The following MRE11 variants were observed in gnomAD, a reference collection of about 807,000 sequenced individuals.
MRE11 encodes double-strand break repair protein MRE11.
MRE11 carries 62 observed loss-of-function variants against 91.7 expected under a neutral mutation model. The observed-to-expected ratio is 0.68, with a 90% CI of 0.55 to 0.84. The LOEUF is 0.84. Among genes scored for constraint, MRE11 ranks in the 40% least tolerant of loss-of-function variants. The pLI is 0.00. For synonymous variants in MRE11, 273 were observed against 271.4 expected (o/e 1.01, Z -0.06); for missense variants, 796 against 852.9 (o/e 0.93, Z 0.83).
intron 4 of MRE11, among the ~76,000 whole-genome samples, chr11:94,481,376 T>C (rs1212193789): frequency 3.3e-5 from 5 of 152,214 alleles, no homozygotes; most frequent in Non-Finnish European, 1.5e-5. Context: ...ATATTCTTTA[T>C]TTATTACTAA....
the MRE11 span, chr11:94,512,381 C>T: frequency 6.8e-6 from 5 of 737,286 alleles, no homozygotes; most frequent in East Asian, 3.4e-5. Flanking sequence ...TTCTTTGGTG[C>T]GCGGAATACC....
rs1455212080 is a variant in MRE11 at position 94,490,724 on chromosome 11, G to A, written c.153+109C>T. The A allele has an allele frequency of 6.3e-6, 8 of 1,266,236 alleles. No homozygotes were observed. In the East Asian group the frequency reaches 7.0e-5, roughly 11 times the overall value. The allele number at this position is 1,266,236 out of a possible 1,614,324, so 78.4% of individuals were successfully genotyped here. A position where few individuals can be genotyped will look rare whatever the true frequency, so the allele number is the denominator to read the frequency against. ...TTTCAGTATATTGATATTCAAGCAG[G>A]CAAGGTAAGCACCTGAGCTTATAAA... On this transcript the variant is annotated intron_variant, in intron 3 of 19. Coordinates refer to ENST00000323929, the MANE Select transcript of MRE11 (RefSeq NM_005591.4).
chr11:94,503,378 A>T, the MRE11 span, among the ~76,000 whole-genome samples: 1 of 152,162 alleles, frequency 6.6e-6, no homozygotes, highest in Non-Finnish European at 1.5e-5. Flanking sequence ...AAATCCTAGT[A>T]GTTGAAAATC....
chr11:94,453,529 T>C (rs1404415490), intron 14 of MRE11, among the ~76,000 whole-genome samples: 2 of 152,214 alleles, frequency 1.3e-5, no homozygotes, highest in Non-Finnish European at 2.9e-5. Context: ...TGTGAAGTGG[T>C]ATCTCACTGT....
chr11:94,435,304 A>G (rs1945572945), intron 18 of MRE11, among the ~76,000 whole-genome samples: 1 of 152,162 alleles, frequency 6.6e-6, no homozygotes, highest in Admixed American at 6.5e-5. Flanking sequence ...TCTGTAATCC[A>G]GGCACTTTGG....
chr11:94,480,940 C>A (rs1006155958), intron 4 of MRE11, among the ~76,000 whole-genome samples: 5 of 152,172 alleles, frequency 3.3e-5, no homozygotes, highest in Non-Finnish European at 7.3e-5. Flanking sequence ...GAGTCACAGA[C>A]CTATGCCAAC....
chr11:94,477,729 T>C (rs1030104947), intron 6 of MRE11, among the ~76,000 whole-genome samples: 2 of 151,964 alleles, frequency 1.3e-5, no homozygotes, highest in African/African-American at 4.8e-5. Flanking sequence ...ACTGGCAAAA[T>C]TGAAGGTAGG....
rs1329240039 is a variant in MRE11 at position 94,456,289 on chromosome 11, T to A, written c.1550A>T (p.Asp517Val). ...CAGAATAATTACCTCACGGACTTCA[T>A]CATCTTCTTCATTAGTATTTTTTTG... ...TRQKNTNEEDDEVREAMTRAR... is the reference protein window; with the variant it reads ...TRQKNTNEEDVEVREAMTRAR... Residue 517 changes from aspartate to valine, a missense_variant, in exon 14 of 20, where the codon GAT becomes GTT. Coordinates refer to ENST00000323929, the MANE Select transcript of MRE11 (RefSeq NM_005591.4). 6.2e-7 allele frequency: 1 copy of A among 1,613,522 alleles called. No individual in the cohort carries two copies. The highest frequency in any genetic ancestry group is 2.2e-5 in the East Asian group (1 of 44,844).
rs113451989 is a variant in MRE11, at chr11:94,452,814, C to CT, written c.1563+3461dup. On this transcript the variant is annotated intron_variant, in intron 14 of 19. Transcript: ENST00000323929. ...AAACATACTATCCTACTGTTAAACA[C>CT]TTTTTTTTTGTGGTGAAATATACAT... Among the ~76,000 whole-genome samples, 170 of 151,526 alleles carry CT rather than the reference C, an allele frequency of 1.1e-3. 1 individual carries two copies. Among genetic ancestry groups the CT allele is most frequent in the African/African-American group, 3.6e-3 (150 of 41,336 alleles).
intron 11 of MRE11, among the ~76,000 whole-genome samples, chr11:94,463,895 C>T (rs538519621): frequency 5.9e-5 from 9 of 152,050 alleles, no homozygotes; most frequent in African/African-American, 1.9e-4. Context: ...CAAACCTGCA[C>T]GTTGTGCACA....
intron 10 of MRE11, among the ~76,000 whole-genome samples, chr11:94,466,107 CA>C (rs916549954): frequency 2.0e-5 from 3 of 152,108 alleles, no homozygotes; most frequent in African/African-American, 7.2e-5. Context: ...ATGTCCCACG[CA>C]ACAGGATCAA....
intron 19 of MRE11, among the ~76,000 whole-genome samples, chr11:94,423,920 G>A (rs1945240035): frequency 6.6e-6 from 1 of 152,202 alleles, no homozygotes; most frequent in Non-Finnish European, 1.5e-5. Context: ...TCGTGGGCCA[G>A]TGCAGGAATG....
chr11:94,427,784 C>T (rs962808491), intron 19 of MRE11, among the ~76,000 whole-genome samples: 2 of 151,958 alleles, frequency 1.3e-5, no homozygotes, highest in Non-Finnish European at 2.9e-5. Context: ...CAACACAATC[C>T]CATTTACAAT....
chr11:94,420,122 A>G lies in MRE11; in HGVS notation c.*3T>C, dbSNP rs147059549. 50 of 1,560,934 alleles carry G rather than the reference A, an allele frequency of 3.2e-5. 1 individual carries two copies. In the East Asian group the frequency reaches 1.1e-3, roughly 34 times the overall value. ...TGCATGTTTCTCAGTGCCATTAAATATATTATCTTCTATTTCTTCTTAAAG... is the reference window on the plus strand; with the variant it reads ...TGCATGTTTCTCAGTGCCATTAAATGTATTATCTTCTATTTCTTCTTAAAG... On this transcript the variant is annotated 3_prime_UTR_variant, in exon 20 of 20. Transcript: ENST00000323929.
intron 14 of MRE11, among the ~76,000 whole-genome samples, chr11:94,450,194 A>G (rs934105917): frequency 6.6e-6 from 1 of 152,244 alleles, no homozygotes; most frequent in Non-Finnish European, 1.5e-5. Context: ...TAAAAAGATT[A>G]CGTATTGATC....
At chr11:94,458,198 T>A (rs192886708) in intron 13 of MRE11, among the ~76,000 whole-genome samples, 4,886 of 151,616 alleles carry the variant, frequency 0.032, 183 homozygotes, top group African/African-American at 0.086. Flanking sequence ...TTTTTTTTTT[T>A]AAATAACATT....
At chr11:94,423,652 G>A (rs1392528888) in intron 19 of MRE11, among the ~76,000 whole-genome samples, 1 of 152,218 alleles carries the variant, frequency 6.6e-6, no homozygotes, top group Non-Finnish European at 1.5e-5. Flanking sequence ...TGTGTGCACA[G>A]GGCAGCCTCT....
intron 18 of MRE11, among the ~76,000 whole-genome samples, 176 bp from the exon 19 acceptor site, chr11:94,430,162 G>A (rs577080946): frequency 1.3e-5 from 2 of 152,300 alleles, no homozygotes; most frequent in Admixed American, 6.5e-5. Context: ...CTCTGGGGCC[G>A]AGGTTTGAAC....
At chr11:94,468,892 A>G (rs1946638411) in intron 9 of MRE11, among the ~76,000 whole-genome samples, 1 of 152,174 alleles carries the variant, frequency 6.6e-6, no homozygotes, top group Admixed American at 6.5e-5. Context: ...CTATAAGAAT[A>G]TGATCTCCTA....
Sources: allele counts gnomAD v4.1 joint callset (sites outside exome capture counted in the v4.1 genomes callset), GRCh38; gene constraint gnomAD v4.1.1; transcripts MANE v1.5; gene names NCBI Gene and HGNC (gene_info 2026-07-23, HGNC 2026-07-21).